LEP: variants seen among roughly 807,000 people sequenced by gnomAD.
LEP encodes the protein leptin, also known as leptin (murine obesity homolog).
In LEP, 6 loss-of-function variants were observed where a neutral mutation model predicts 9.8. That is an observed-to-expected ratio of 0.61 (90% CI 0.34 to 1.21). LEP has a LOEUF of 1.21. Among genes scored for constraint, LEP ranks in the 50% most tolerant of loss-of-function variants. The pLI is 0.04. For synonymous variants in LEP, 112 were observed against 81.7 expected (o/e 1.37, Z -2.00); for missense variants, 134 against 198.1 (o/e 0.68, Z 1.94).
rs1312385470 is a variant in LEP at position 128,255,124 on chromosome 7, G to A, written c.*361G>A. ...TGTGACCAGGGGTGATTTCAGAGAG[G>A]GCAGAGGGGTAGGCAGAGCCTTTGG... is the stretch of plus-strand genomic sequence containing the variant. On this transcript the variant is annotated 3_prime_UTR_variant, in exon 3 of 3. Transcript: ENST00000308868. 4.2e-5 allele frequency: 13 copies of A among 309,210 alleles called. No homozygotes were observed. In the East Asian group the frequency reaches 5.9e-4, roughly 14 times the overall value. The allele number at this position is 309,210 out of a possible 1,614,324, so 19.2% of individuals were successfully genotyped here. A position where few individuals can be genotyped will look rare whatever the true frequency, so the allele number is the denominator to read the frequency against.
rs548622986 is a variant in LEP at position 128,244,893 on chromosome 7, T to C, written c.-29+3587T>C. ...CCACTCTAAATTCCTAAGAGAGAAG[T>C]TGATTGACCCAATCAGGGTCAGGAG... On this transcript the variant is annotated intron_variant, in intron 1 of 2. Coordinates refer to ENST00000308868, the MANE Select transcript of LEP (RefSeq NM_000230.3). 5.3e-5 allele frequency among the ~76,000 whole-genome samples: 8 copies of C among 152,158 alleles called. No individual in the cohort carries two copies. In the East Asian group the frequency reaches 1.4e-3, roughly 26 times the overall value.
At chr7:128,248,736 A>G (rs937521726) in intron 1 of LEP, among the ~76,000 whole-genome samples, 1 of 152,244 alleles carries the variant, frequency 6.6e-6, no homozygotes, top group East Asian at 1.9e-4. Flanking sequence ...AGTTGACAAA[A>G]TCAAATACTG....
In LEP at chr7:128,257,520, G is replaced by A. The variant is rs1334145692; in HGVS notation, c.*2757G>A. 1 of 147,470 alleles carries A rather than the reference G, an allele frequency of 6.8e-6. No individual in the cohort carries two copies. Among genetic ancestry groups the A allele is most frequent in the Non-Finnish European group, 1.5e-5 (1 of 67,520 alleles). 9.1% of individuals were successfully genotyped at this position (147,470 alleles called of 1,614,324 possible). Reference sequence around the variant, plus strand: ...GGAGGCGGAGAGTACAGTGAGCCAAGATCGCGCCACTGCACTCCGGCCTGA... The same window carrying A: ...GGAGGCGGAGAGTACAGTGAGCCAAAATCGCGCCACTGCACTCCGGCCTGA... On this transcript the variant is annotated 3_prime_UTR_variant, in exon 3 of 3. Transcript: ENST00000308868.
intron 1 of LEP, among the ~76,000 whole-genome samples, chr7:128,251,718 T>A (rs1006001650): frequency 6.6e-6 from 1 of 152,222 alleles, no homozygotes; most frequent in African/African-American, 2.4e-5. Context: ...ATCCCTACCA[T>A]GTCCATTTGA....
intron 1 of LEP, among the ~76,000 whole-genome samples, chr7:128,242,040 C>T (rs919528855): frequency 1.3e-4 from 20 of 152,214 alleles, no homozygotes; most frequent in African/African-American, 4.1e-4. Context: ...ACCAGGCTCA[C>T]CTATAGCCTT....
intron 1 of LEP, among the ~76,000 whole-genome samples, chr7:128,248,504 G>C (rs1795240774): frequency 6.6e-6 from 1 of 152,034 alleles, no homozygotes; most frequent in Non-Finnish European, 1.5e-5. Context: ...GGAGGATGAA[G>C]CAAGAGAATT....
At chr7:128,252,575 TA>T (rs1020037772) in intron 2 of LEP, among the ~76,000 whole-genome samples, 1 of 143,354 alleles carries the variant, frequency 7.0e-6, no homozygotes, top group Non-Finnish European at 1.5e-5. Context: ...ACAAAAATAA[TA>T]AAAAATGTTA....
At chr7:128,247,685 T>G (rs1359209627) in intron 1 of LEP, among the ~76,000 whole-genome samples, 1 of 152,146 alleles carries the variant, frequency 6.6e-6, no homozygotes, top group African/African-American at 2.4e-5. Flanking sequence ...CCTCCCTGAT[T>G]CCCCTGCTGG....
intron 1 of LEP, among the ~76,000 whole-genome samples, chr7:128,243,432 G>A (rs549787749): frequency 6.6e-6 from 1 of 152,336 alleles, no homozygotes; most frequent in African/African-American, 2.4e-5. Context: ...GGGTCTCTGA[G>A]AAGGGGAGGG....
At chr7:128,252,422 T>C (rs1013762522) in intron 2 of LEP, among the ~76,000 whole-genome samples, 3 of 152,194 alleles carry the variant, frequency 2.0e-5, no homozygotes, top group Non-Finnish European at 4.4e-5. Context: ...TTGCTACATG[T>C]TTCCATTTAA....
Position 128,257,436 on chromosome 7 carries a change from G to A in LEP, c.*2673G>A, listed in dbSNP as rs1324117267. ...ACACAAAAGTTAGCTGAGCGTGGTG[G>A]CGGGCGCCTGTAGTCCCAGCCACTC... is the stretch of plus-strand genomic sequence containing the variant. On this transcript the variant is annotated 3_prime_UTR_variant, in exon 3 of 3. Coordinates refer to ENST00000308868, the MANE Select transcript of LEP (RefSeq NM_000230.3). 1 of 152,144 alleles carries A rather than the reference G, an allele frequency of 6.6e-6. No homozygotes were observed. Among genetic ancestry groups the A allele is most frequent in the East Asian group, 1.9e-4 (1 of 5,148 alleles). The allele number at this position is 152,144 out of a possible 1,614,324, so 9.4% of individuals were successfully genotyped here.
intron 1 of LEP, among the ~76,000 whole-genome samples, chr7:128,245,370 A>G (rs2116208641): frequency 1.3e-5 from 2 of 152,200 alleles, no homozygotes; most frequent in East Asian, 1.9e-4. Context: ...TTCTTCCCTC[A>G]TAACTCCCAC....
intron 1 of LEP, among the ~76,000 whole-genome samples, chr7:128,241,958 G>A (rs1403217130): frequency 1.3e-5 from 2 of 150,564 alleles, no homozygotes; most frequent in Non-Finnish European, 2.9e-5. Flanking sequence ...CATACAATGA[G>A]GTGTCTCTGG....
At chr7:128,249,720 G>T (rs1467144342) in intron 1 of LEP, among the ~76,000 whole-genome samples, 1 of 152,208 alleles carries the variant, frequency 6.6e-6, no homozygotes. Flanking sequence ...GCGTGTGTGT[G>T]TGATGTTTGT....
chr7:128,254,578 C>G lies in LEP; in HGVS notation c.319C>G (p.Leu107Val), dbSNP rs779227922. The G allele has an allele frequency of 3.1e-6, 5 of 1,614,150 alleles. No homozygotes were observed. The highest frequency in any genetic ancestry group is 1.7e-5 in the Admixed American group (1 of 60,034). Residue 107 changes from leucine (L) to valine (V), a missense_variant, in exon 3 of 3, where the codon CTT (leucine) becomes GTT (valine). Leu to Val is a conservative substitution (Grantham distance 32). Transcript: ENST00000308868. The stretch of plus-strand genomic sequence containing the variant: ...CAACGACCTGGAGAACCTCCGGGAT[C>G]TTCTTCACGTGCTGGCCTTCTCTAA... ...ISNDLENLRD[L>V]LHVLAFSKSC...
chr7:128,251,026 T>C (rs939325988), intron 1 of LEP, among the ~76,000 whole-genome samples: 3 of 152,180 alleles, frequency 2.0e-5, no homozygotes, highest in Non-Finnish European at 4.4e-5. Context: ...TGTGTTATGC[T>C]CTCTCCCGCC....
chr7:128,245,033 G>T, intron 1 of LEP, among the ~76,000 whole-genome samples: 1 of 152,058 alleles, frequency 6.6e-6, no homozygotes, highest in East Asian at 1.9e-4. Flanking sequence ...GCCATCAAGG[G>T]TTGTGTATGT....
intron 1 of LEP, among the ~76,000 whole-genome samples, chr7:128,249,963 G>A (rs1281394097): frequency 6.6e-6 from 1 of 152,186 alleles, no homozygotes; most frequent in Non-Finnish European, 1.5e-5. Context: ...GATAGAGGGG[G>A]CTTGTAAAAC....
chr7:128,244,125 T>A (rs1456406682), intron 1 of LEP, among the ~76,000 whole-genome samples: 1 of 149,916 alleles, frequency 6.7e-6, no homozygotes, highest in Non-Finnish European at 1.5e-5. Flanking sequence ...GGTACACACC[T>A]GTAGTCCCAG....
Sources: allele counts gnomAD v4.1 joint callset (sites outside exome capture counted in the v4.1 genomes callset), GRCh38; gene constraint gnomAD v4.1.1; transcripts MANE v1.5; gene names NCBI Gene and HGNC (gene_info 2026-07-23, HGNC 2026-07-21).